Variants in ARHGAP28 observed in about 807,000 individuals in gnomAD.
The protein encoded by ARHGAP28 is Rho GTPase activating protein 28, also known as rho GTPase-activating protein 28.
ARHGAP28 carries 56 observed loss-of-function variants against 90.7 expected under a neutral mutation model. The ratio of observed to expected loss-of-function variants is 0.62; its 90% CI spans 0.50 to 0.77. The LOEUF is 0.77. ARHGAP28 is among the 30% of genes least tolerant of loss of function. The pLI, the probability that ARHGAP28 is intolerant of heterozygous loss-of-function variation, is 0.00. For synonymous variants in ARHGAP28, 308 were observed against 323.3 expected, an observed-to-expected ratio of 0.95 and a Z score of 0.51; for missense variants, 869 against 900.9, an observed-to-expected ratio of 0.96 and a Z score of 0.45.
chr18:6,825,917 AC>A (rs1339446194), intron 2 of ARHGAP28, among the ~76,000 whole-genome samples: 1 of 152,190 alleles, frequency 6.6e-6, no homozygotes, highest in Non-Finnish European at 1.5e-5. Context: ...CGATGAACAT[AC>A]AAGTGCATGT....
intron 3 of ARHGAP28, among the ~76,000 whole-genome samples, chr18:6,847,269 G>A (rs1395477286): frequency 1.3e-5 from 2 of 151,800 alleles, no homozygotes; most frequent in East Asian, 3.9e-4. Flanking sequence ...CACACCATAC[G>A]CACACCCCCA....
At chr18:6,889,197 G>A (rs2057245214) in intron 12 of ARHGAP28, among the ~76,000 whole-genome samples, 1 of 152,088 alleles carries the variant, frequency 6.6e-6, no homozygotes, top group Non-Finnish European at 1.5e-5. Flanking sequence ...GGGGATTTCA[G>A]TCGTCTTGGT....
rs545575199 is a variant in ARHGAP28 at position 6,801,553 on chromosome 18, G to A, written c.123-23209G>A. 5.9e-5 allele frequency among the ~76,000 whole-genome samples: 9 copies of A among 152,198 alleles called. No homozygotes were observed. In the East Asian group the frequency reaches 1.7e-3, roughly 29 times the overall value. ...ATGAAGAAAGCCTGCTAGGATTTTGGTAGGGATTTCATTTGAATCATTGAA... is the reference window on the plus strand; with the variant it reads ...ATGAAGAAAGCCTGCTAGGATTTTGATAGGGATTTCATTTGAATCATTGAA... On this transcript the variant is annotated intron_variant, in intron 1 of 17. Transcript: ENST00000383472.
At chr18:6,806,463 G>T (rs937837444) in intron 1 of ARHGAP28, among the ~76,000 whole-genome samples, 1 of 151,954 alleles carries the variant, frequency 6.6e-6, no homozygotes, top group Admixed American at 6.6e-5. Context: ...CAGAAAAAAA[G>T]ATTGAAATAT....
chr18:6,777,137 G>A (rs1444858379), intron 1 of ARHGAP28, among the ~76,000 whole-genome samples: 8 of 152,182 alleles, frequency 5.3e-5, no homozygotes, highest in South Asian at 2.1e-4. Flanking sequence ...CCAGTTAGGC[G>A]GTGCAATAAC....
rs765953984 is a variant in ARHGAP28, at chr18:6,730,473, C to A, written c.122+530C>A. Among the ~76,000 whole-genome samples, 123 of 152,096 alleles carry A rather than the reference C, an allele frequency of 8.1e-4. 4 individuals are homozygous for A. The highest frequency in any genetic ancestry group is 5.7e-4 in the Non-Finnish European group (39 of 68,040). ...ACAATTTTATTTCTACATGTTAAAACCTTTCAATTGTATAAAGGCATTGGT... is the reference window on the plus strand; with the variant it reads ...ACAATTTTATTTCTACATGTTAAAAACTTTCAATTGTATAAAGGCATTGGT... On this transcript the variant is annotated intron_variant, in intron 1 of 17. Transcript: ENST00000383472.
intron 3 of ARHGAP28, among the ~76,000 whole-genome samples, chr18:6,840,557 T>C (rs1185972441): frequency 6.6e-6 from 1 of 152,168 alleles, no homozygotes; most frequent in Non-Finnish European, 1.5e-5. Context: ...GACAGGCAAA[T>C]GGAATAAACT....
intron 1 of ARHGAP28, among the ~76,000 whole-genome samples, chr18:6,760,024 A>G (rs1032827714): frequency 6.6e-6 from 1 of 152,212 alleles, no homozygotes; most frequent in African/African-American, 2.4e-5. Context: ...CAGGAGTTCA[A>G]ACAAAGAATT....
chr18:6,877,535 C>T (rs865837977), intron 10 of ARHGAP28, among the ~76,000 whole-genome samples: 25 of 152,170 alleles, frequency 1.6e-4, no homozygotes, highest in African/African-American at 4.6e-4. Context: ...GGCTTTTGCA[C>T]GTGAGGGCAA....
At chr18:6,872,692 A>G (rs2057099526) in intron 7 of ARHGAP28, among the ~76,000 whole-genome samples, 1 of 152,108 alleles carries the variant, frequency 6.6e-6, no homozygotes, top group Non-Finnish European at 1.5e-5. Flanking sequence ...ATTCTTCACA[A>G]TATTTCTGGA....
At chr18:6,897,688 T>C (rs2057314270) in intron 16 of ARHGAP28, 2 of 152,236 alleles carry the variant, frequency 1.3e-5, no homozygotes, top group Non-Finnish European at 2.9e-5. Flanking sequence ...TATTGCATGA[T>C]TCCACTTATA....
intron 4 of ARHGAP28, among the ~76,000 whole-genome samples, chr18:6,853,620 G>A (rs1343266572): frequency 2.0e-5 from 3 of 152,008 alleles, no homozygotes; most frequent in African/African-American, 7.3e-5. Flanking sequence ...TTACAGGCAT[G>A]CACCACCATA....
At chr18:6,795,310 G>A (rs78226763) in intron 1 of ARHGAP28, among the ~76,000 whole-genome samples, 1,948 of 152,150 alleles carry the variant, frequency 0.013, 30 homozygotes, top group African/African-American at 0.039. Flanking sequence ...GCTCCAGGAG[G>A]GCACAGCCTG....
chr18:6,873,346 T>G (rs2057104574), intron 7 of ARHGAP28, 63 bp from the exon 8 acceptor site: 1 of 1,439,254 alleles, frequency 6.9e-7, no homozygotes, highest in Non-Finnish European at 9.5e-7. Flanking sequence ...AGGTGGCATT[T>G]GAGTGAACGC....
chr18:6,820,235 G>T (rs2056617605), intron 1 of ARHGAP28, among the ~76,000 whole-genome samples: 1 of 152,060 alleles, frequency 6.6e-6, no homozygotes, highest in South Asian at 2.1e-4. Flanking sequence ...TCTCTAAAAA[G>T]AACTAATTGG....
chr18:6,866,670 G>C (rs1251024003), intron 5 of ARHGAP28, among the ~76,000 whole-genome samples: 3 of 152,096 alleles, frequency 2.0e-5, no homozygotes, highest in African/African-American at 4.8e-5. Flanking sequence ...CAAGAGCAGG[G>C]ATTATGACTC....
chr18:6,779,812 C>T (rs187663903), intron 1 of ARHGAP28, among the ~76,000 whole-genome samples: 111 of 152,360 alleles, frequency 7.3e-4, no homozygotes, highest in Non-Finnish European at 1.1e-3. Context: ...TTCAAAATTA[C>T]ACTGACCTAC....
chr18:6,839,967 C>G (rs756295004), intron 3 of ARHGAP28, among the ~76,000 whole-genome samples: 3 of 152,166 alleles, frequency 2.0e-5, no homozygotes, highest in Admixed American at 1.3e-4. Flanking sequence ...TTTAAGCATT[C>G]AGATATGGCA....
chr18:6,910,270 C>A (rs1024560961), intron 17 of ARHGAP28, among the ~76,000 whole-genome samples: 15 of 152,174 alleles, frequency 9.9e-5, no homozygotes, highest in African/African-American at 3.6e-4. Flanking sequence ...AGACCCTGTG[C>A]CCCTTATTTC....
Sources: gnomAD v4.1 joint callset for allele counts (sites outside exome capture counted in the v4.1 genomes callset) on GRCh38, gnomAD v4.1.1 for gene constraint, MANE v1.5 for transcripts, NCBI Gene and HGNC (gene_info 2026-07-23, HGNC 2026-07-21) for gene names.